Variants in TBC1D1 observed in about 807,000 individuals in gnomAD.
TBC1D1 encodes TBC1 (tre-2/USP6, BUB2, cdc16) domain family, member 1.
TBC1D1 carries 89 observed loss-of-function variants against 125.6 expected under a neutral mutation model. That is an observed-to-expected ratio of 0.71 (90% confidence interval 0.60 to 0.85). The LOEUF (loss-of-function observed/expected upper bound fraction) is 0.85. Ranked by LOEUF, TBC1D1 falls within the 40% of genes least tolerant of loss-of-function variation. The probability of loss-of-function intolerance (pLI) is 0.00; values close to 1 mark genes in which losing one functional copy is unlikely to be tolerated. For synonymous variants in TBC1D1, 565 were observed against 564.1 expected (o/e 1.00, Z -0.02); for missense variants, 1,377 against 1,469.2 (o/e 0.94, Z 1.03).
intron 12 of TBC1D1, among the ~76,000 whole-genome samples, chr4:38,086,723 A>G (rs932521535): frequency 1.3e-5 from 2 of 152,182 alleles, no homozygotes; most frequent in Non-Finnish European, 2.9e-5. Flanking sequence ...ATAGGGTTGC[A>G]TGAGGAAATA....
chr4:38,058,303 A>G (rs1484187459), intron 12 of TBC1D1, among the ~76,000 whole-genome samples: 1 of 152,196 alleles, frequency 6.6e-6, no homozygotes, highest in East Asian at 1.9e-4. Flanking sequence ...TTTGACCCAC[A>G]CTAGCAGGTC....
At chr4:38,067,987 GTTCT>G (rs1754030254) in intron 12 of TBC1D1, among the ~76,000 whole-genome samples, 1 of 152,194 alleles carries the variant, frequency 6.6e-6, no homozygotes, top group Non-Finnish European at 1.5e-5. Context: ...GTGAGGGATT[GTTCT>G]CGCCTGACGA....
At chr4:37,990,839 C>G (rs1736393123) in intron 2 of TBC1D1, among the ~76,000 whole-genome samples, 1 of 152,086 alleles carries the variant, frequency 6.6e-6, no homozygotes, top group Non-Finnish European at 1.5e-5. Context: ...AAGGAAAGAG[C>G]TGGATGTACT....
At chr4:38,108,843 A>G (rs990035400) in intron 15 of TBC1D1, among the ~76,000 whole-genome samples, 1 of 152,242 alleles carries the variant, frequency 6.6e-6, no homozygotes, top group Non-Finnish European at 1.5e-5. Flanking sequence ...TAGAATCCAT[A>G]AAAGATGAGA....
rs753413980 is a variant in TBC1D1, at chr4:38,044,500, A to G, written c.1542+10A>G. 37 of 1,601,574 alleles carry G rather than the reference A, an allele frequency of 2.3e-5. No individual in the cohort carries two copies. Among genetic ancestry groups the G allele is most frequent in the Non-Finnish European group, 2.9e-5 (34 of 1,176,636 alleles). On this transcript the variant is annotated intron_variant, in intron 9 of 19. Transcript: ENST00000261439. ...AAGTATTTTGTCCCGGGTAAGTAGCATAATTTCTCCTGATTTAAGTTAAAT... is the reference window on the plus strand; with the variant it reads ...AAGTATTTTGTCCCGGGTAAGTAGCGTAATTTCTCCTGATTTAAGTTAAAT...
At chr4:37,962,552 A>G (rs1480842815) in intron 2 of TBC1D1, among the ~76,000 whole-genome samples, 2 of 152,234 alleles carry the variant, frequency 1.3e-5, no homozygotes, top group African/African-American at 4.8e-5. Flanking sequence ...ATATTTATGT[A>G]TGGTTATTAG....
At chr4:37,894,524 T>G (rs947952891) in intron 1 of TBC1D1, among the ~76,000 whole-genome samples, 3 of 152,204 alleles carry the variant, frequency 2.0e-5, no homozygotes, top group African/African-American at 4.8e-5. Flanking sequence ...GAGCAACAGC[T>G]ATTTTTCTCT....
intron 2 of TBC1D1, among the ~76,000 whole-genome samples, chr4:37,914,788 C>T (rs1204172382): frequency 6.6e-6 from 1 of 152,336 alleles, no homozygotes; most frequent in Admixed American, 6.5e-5. Flanking sequence ...ACATGACAAC[C>T]TCATTCTTCA....
At chr4:38,046,757 T>C (rs1345522390) in intron 10 of TBC1D1, among the ~76,000 whole-genome samples, 1 of 152,268 alleles carries the variant, frequency 6.6e-6, no homozygotes, top group Non-Finnish European at 1.5e-5. Flanking sequence ...CTTCTTTTAA[T>C]AACTTGCTTT....
intron 12 of TBC1D1, among the ~76,000 whole-genome samples, chr4:38,077,685 C>A (rs1755836999): frequency 6.8e-6 from 1 of 147,302 alleles, no homozygotes; most frequent in African/African-American, 2.5e-5. Context: ...ACATTAAAAG[C>A]CTGTAATTTC....
intron 2 of TBC1D1, among the ~76,000 whole-genome samples, chr4:37,990,392 A>G (rs1325537907): frequency 6.6e-6 from 1 of 152,060 alleles, no homozygotes; most frequent in Non-Finnish European, 1.5e-5. Context: ...CAATTCTTCC[A>G]GTGTGGCCCA....
intron 2 of TBC1D1, among the ~76,000 whole-genome samples, chr4:37,922,697 T>G (rs1721264031): frequency 6.6e-6 from 1 of 152,214 alleles, no homozygotes; most frequent in Non-Finnish European, 1.5e-5. Context: ...TCCTCCTTTT[T>G]GTCCAATCGG....
intron 12 of TBC1D1, among the ~76,000 whole-genome samples, chr4:38,067,458 G>A (rs908604856): frequency 6.6e-6 from 1 of 152,190 alleles, no homozygotes; most frequent in African/African-American, 2.4e-5. Context: ...CCAGGGGACG[G>A]CTTTCCTTCT....
chr4:38,044,538 G>T, intron 9 of TBC1D1, 48 bp downstream of exon 9: 1 of 1,574,870 alleles, frequency 6.3e-7, no homozygotes, highest in Non-Finnish European at 8.6e-7. Flanking sequence ...CTTTTTAGGA[G>T]AGTGTAAGAT....
chr4:37,897,559 A>C (rs1286325824), intron 1 of TBC1D1, among the ~76,000 whole-genome samples: 4 of 152,192 alleles, frequency 2.6e-5, no homozygotes, highest in Non-Finnish European at 4.4e-5. Flanking sequence ...AAATGGCAGG[A>C]CTCATTTGAT....
chr4:38,033,704 C>G (rs141886589), intron 7 of TBC1D1, among the ~76,000 whole-genome samples: 1 of 152,298 alleles, frequency 6.6e-6, no homozygotes, highest in Non-Finnish European at 1.5e-5. Context: ...CGTGTTCTGC[C>G]TGTTCTCCCA....
At chr4:38,135,032 G>C (rs1173091540) in intron 19 of TBC1D1, among the ~76,000 whole-genome samples, 1 of 152,104 alleles carries the variant, frequency 6.6e-6, no homozygotes, top group Admixed American at 6.5e-5. Context: ...TGTGGTGTTT[G>C]GATATAGTTT....
chr4:38,014,910 C>A lies in TBC1D1; in HGVS notation c.819C>A (p.Leu273=). The A allele has an allele frequency of 6.3e-7, 1 of 1,594,442 alleles. No homozygotes were observed. Among genetic ancestry groups the A allele is most frequent in the Non-Finnish European group, 8.6e-7 (1 of 1,167,052 alleles). Residue 273 remains leucine (L), a synonymous_variant, in exon 3 of 20, where the codon CTC becomes CTA. Transcript: ENST00000261439. This position sits in a 1 kb window ranked among gnomAD's most constrained non-coding sequence, Gnocchi z 5.1. ...AGGAGAGCGACATTGAGAACCACCT[C>A]ATTAGCGGACACAATATTGTGCAGC...
chr4:38,016,202 C>T (rs1390547547), intron 3 of TBC1D1, among the ~76,000 whole-genome samples: 1 of 152,166 alleles, frequency 6.6e-6, no homozygotes, highest in Non-Finnish European at 1.5e-5. Context: ...AGGAGAAGTA[C>T]AGCATGCCTG....
Sources: allele counts gnomAD v4.1 joint callset (sites outside exome capture counted in the v4.1 genomes callset), GRCh38; gene constraint gnomAD v4.1.1; non-coding constraint Gnocchi (gnomAD v3.1); transcripts MANE v1.5; gene names NCBI Gene and HGNC (gene_info 2026-07-23, HGNC 2026-07-21).